The following ZFP62 variants were observed in gnomAD, a reference collection of about 807,000 sequenced individuals.
The protein encoded by ZFP62 is zinc finger protein 62 homolog.
Under a neutral mutation model 56.4 loss-of-function variants are expected in ZFP62, and 44 were observed. The observed-to-expected ratio is 0.78, with a 90% confidence interval of 0.61 to 1.00. The LOEUF is 1.00. ZFP62 is among the 50% of genes least tolerant of loss of function. The probability of loss-of-function intolerance (pLI) is 0.00; values close to 1 mark genes in which losing one functional copy is unlikely to be tolerated. For synonymous variants in ZFP62, 421 were observed against 388.9 expected, an observed-to-expected ratio of 1.08 and a Z score of -0.97; for missense variants, 1,030 against 1,085.7, an observed-to-expected ratio of 0.95 and a Z score of 0.72.
chr5:180,833,670 G>T, the ZFP62 span, among the ~76,000 whole-genome samples: 1 of 145,360 alleles, frequency 6.9e-6, no homozygotes, highest in Non-Finnish European at 1.5e-5. Flanking sequence ...CTATGACACG[G>T]TATTTTTTTT....
downstream of ZFP62, among the ~76,000 whole-genome samples, chr5:180,846,068 T>C (rs1021413811): frequency 1.1e-4 from 17 of 152,248 alleles, no homozygotes; most frequent in African/African-American, 4.1e-4. Flanking sequence ...CCGGGGGTGG[T>C]GCCTAAACCA....
In ZFP62 at chr5:180,848,109, T is replaced by C. The variant is rs1773481179; in HGVS notation, c.*683A>G. 1.0e-6 allele frequency: 1 copy of C among 985,324 alleles called. No homozygotes were observed. Among genetic ancestry groups the C allele is most frequent in the Admixed American group, 6.1e-5 (1 of 16,266 alleles). 61.0% of individuals were successfully genotyped at this position (985,324 alleles called of 1,614,324 possible). The stretch of plus-strand genomic sequence containing the variant: ...TTTAAAAAAGTTTCATCCATTCAAC[T>C]AATGTATCACAATAGTACGTTCATC... On this transcript the variant is annotated 3_prime_UTR_variant, in exon 2 of 2. Transcript: ENST00000502412.
At chr5:180,860,786 T>C (rs1019154957) in intron 1 of ZFP62, 8 of 184,348 alleles carry the variant, frequency 4.3e-5, no homozygotes, top group Admixed American at 2.5e-4. Flanking sequence ...GCAATCACTC[T>C]CAAGTCCTAG....
chr5:180,855,206 T>G (rs1773905378), intron 1 of ZFP62, among the ~76,000 whole-genome samples: 1 of 152,228 alleles, frequency 6.6e-6, no homozygotes, highest in Non-Finnish European at 1.5e-5. Flanking sequence ...TAAATCTGAG[T>G]GATGGGAATC....
downstream of ZFP62, among the ~76,000 whole-genome samples, chr5:180,843,093 G>A (rs999687143): frequency 1.9e-4 from 28 of 149,306 alleles, no homozygotes; most frequent in Admixed American, 4.0e-4. Flanking sequence ...GTAATTAAAC[G>A]TTTGGTATAG....
At position 180,849,106 on chromosome 5, in the gene ZFP62, G is replaced by A. The variant is rs1208662758; in HGVS notation, c.2389C>T (p.His797Tyr). Reference sequence around the variant, plus strand: ...CTTTTATGATTGATAAGACTTGAGTGTGAGATGTATGCCTTCCCACACTCA... The same window carrying A: ...CTTTTATGATTGATAAGACTTGAGTATGAGATGTATGCCTTCCCACACTCA... ...CDECGKAYIS[H>Y]SSLINHKSVH... Residue 797 changes from histidine to tyrosine, a missense_variant, in exon 2 of 2, where the codon CAC (histidine) becomes TAC (tyrosine). His to Tyr is a moderately conservative substitution (Grantham distance 83, BLOSUM62 2). Transcript: ENST00000502412. The A allele has an allele frequency of 6.4e-7, 1 of 1,555,654 alleles. No homozygotes were observed. The highest frequency in any genetic ancestry group is 8.7e-7 in the Non-Finnish European group (1 of 1,149,484).
At chr5:180,852,053 A>G in intron 1 of ZFP62, 1 of 983,730 alleles carries the variant, frequency 1.0e-6, no homozygotes, top group Non-Finnish European at 1.2e-6. Flanking sequence ...GATGAGGAAG[A>G]AGGCAACCTG....
the ZFP62 span, among the ~76,000 whole-genome samples, chr5:180,838,516 A>G: frequency 2.0e-5 from 3 of 152,226 alleles, no homozygotes; most frequent in Non-Finnish European, 4.4e-5. Context: ...AGCATTAGGT[A>G]GTAGTAATGA....
At chr5:180,841,534 G>C in the ZFP62 span, among the ~76,000 whole-genome samples, 2 of 152,106 alleles carry the variant, frequency 1.3e-5, no homozygotes, top group East Asian at 3.9e-4. Context: ...GTAAGGCCCA[G>C]ATTAAGAGCA....
the ZFP62 span, chr5:180,831,157 G>C: frequency 6.5e-6 from 1 of 154,418 alleles, no homozygotes; most frequent in Admixed American, 6.5e-5. Context: ...GTCGCTGCGC[G>C]CCCAGCGTTC....
chr5:180,830,850 G>C, the ZFP62 span: 6 of 152,352 alleles, frequency 3.9e-5, no homozygotes, highest in Non-Finnish European at 7.3e-5. Context: ...TTTGCGTAGA[G>C]GTAGCTGGGT....
At position 180,848,719 on chromosome 5, in the gene ZFP62, G is replaced by T; in HGVS notation, c.*73C>A. The stretch of plus-strand genomic sequence containing the variant: ...TTACACTGTGTAAATTACAAGCCAT[G>T]ACCCCCTACATTCTTACATTCATAA... On this transcript the variant is annotated 3_prime_UTR_variant, in exon 2 of 2. Transcript: ENST00000502412. 1.4e-6 allele frequency: 2 copies of T among 1,448,222 alleles called. No homozygotes were observed. The highest frequency in any genetic ancestry group is 3.0e-5 in the South Asian group (2 of 65,728). 89.7% of individuals were successfully genotyped at this position (1,448,222 alleles called of 1,614,324 possible). A position where few individuals can be genotyped will look rare whatever the true frequency, so the allele number is the denominator to read the frequency against.
the ZFP62 span, among the ~76,000 whole-genome samples, chr5:180,840,607 A>G: frequency 6.6e-6 from 1 of 152,008 alleles, no homozygotes; most frequent in Non-Finnish European, 1.5e-5. Context: ...AAATACAAAA[A>G]TGAGCCGGGC....
At chr5:180,839,312 C>T in the ZFP62 span, among the ~76,000 whole-genome samples, 1 of 152,194 alleles carries the variant, frequency 6.6e-6, no homozygotes, top group African/African-American at 2.4e-5. Flanking sequence ...GAGGCTGGTT[C>T]AGGAACCATG....
chr5:180,856,952 CAAAAAAAAAAAA>C (rs758729037), intron 1 of ZFP62, among the ~76,000 whole-genome samples: 3 of 63,698 alleles, frequency 4.7e-5, no homozygotes, highest in African/African-American at 2.3e-4. Context: ...GACTATGTCT[CAAAAAAAAAAAA>C]AAAAAAAAAA....
In ZFP62 at chr5:180,848,825, G is replaced by A. The variant is rs190457380; in HGVS notation, c.2670C>T (p.Ala890=). 2.3e-5 allele frequency: 35 copies of A among 1,543,956 alleles called. No homozygotes were observed. The East Asian group carries it at 8.4e-4, about 37-fold the overall frequency. The change falls in exon 2 of 2, where the codon GCC becomes GCT. Residue 890 remains alanine, a synonymous_variant. Coordinates refer to ENST00000502412, the MANE Select transcript of ZFP62 (RefSeq NM_001172638.2). ...SQKRTYEGGN[A]LDGGRMRMPL ...GCATCCTCATCCTGCCCCCATCCAG[G>A]GCATTCCCTCCCTCATAGGTTCTCT...
Position 180,848,679 on chromosome 5 carries a change from C to G in ZFP62, c.*113G>C, listed in dbSNP as rs1773508324. ...CATAGAAAGGATTCCTCATAATCCT[C>G]TAGGATGGTTTCATTTACACTGTGT... On this transcript the variant is annotated 3_prime_UTR_variant, in exon 2 of 2. Transcript: ENST00000502412. The G allele has an allele frequency of 2.8e-6, 4 of 1,420,150 alleles. No individual in the cohort carries two copies. In the East Asian group the frequency reaches 1.0e-4, roughly 36 times the overall value. The allele number at this position is 1,420,150 out of a possible 1,614,324, so 88.0% of individuals were successfully genotyped here.
the ZFP62 span, among the ~76,000 whole-genome samples, chr5:180,841,262 C>T: frequency 1.7e-5 from 1 of 57,792 alleles, no homozygotes; most frequent in South Asian, 6.5e-4. Flanking sequence ...TACACACACA[C>T]ACACACATAT....
chr5:180,833,724 G>A, the ZFP62 span, among the ~76,000 whole-genome samples: 260 of 149,932 alleles, frequency 1.7e-3, no homozygotes, highest in African/African-American at 6.0e-3. Context: ...AGGCTGGAGC[G>A]CAGTGGCACG....
Sources: allele counts gnomAD v4.1 joint callset (sites outside exome capture counted in the v4.1 genomes callset), GRCh38; gene constraint gnomAD v4.1.1; transcripts MANE v1.5; gene names NCBI Gene and HGNC (gene_info 2026-07-23, HGNC 2026-07-21).